The following ERICH6 variants were observed in gnomAD, a reference collection of about 807,000 sequenced individuals.
ERICH6 encodes glutamate-rich protein 6.
ERICH6 carries 71 observed loss-of-function variants against 71.0 expected under a neutral mutation model. The observed-to-expected ratio is 1.00, with a 90% CI of 0.83 to 1.22. The LOEUF (loss-of-function observed/expected upper bound fraction) is 1.22. ERICH6 is among the 50% of genes most tolerant of loss of function. ERICH6 has a pLI of 0.00. For synonymous variants in ERICH6, 262 were observed against 278.4 expected (o/e 0.94, Z 0.59); for missense variants, 808 against 797.2 (o/e 1.01, Z -0.16).
At chr3:150,666,513 A>C (rs1331199150) in intron 13 of ERICH6, among the ~76,000 whole-genome samples, 3 of 152,016 alleles carry the variant, frequency 2.0e-5, no homozygotes, top group Admixed American at 6.6e-5. Context: ...TTTAAACTAA[A>C]CCCCCAGAGC....
intron 9 of ERICH6, 94 bp downstream of exon 9, chr3:150,680,374 A>G (rs959234018): frequency 3.0e-6 from 4 of 1,336,106 alleles, no homozygotes; most frequent in South Asian, 1.2e-5. Context: ...GGCCAATACT[A>G]TTTTTTAAAT....
rs1713044366 is a variant in ERICH6, at chr3:150,703,740, C to CTCCTCCTTCTCCTCCACCTCT, written c.158_159insAGAGGTGGAGGAGAAGGAGGA (p.Val55_Val56insGluGluLysGluGluGluVal). The CTCCTCCTTCTCCTCCACCTCT allele has an allele frequency of 2.9e-6, 4 of 1,390,640 alleles. No individual in the cohort carries two copies. Among genetic ancestry groups the CTCCTCCTTCTCCTCCACCTCT allele is most frequent in the Non-Finnish European group, 9.7e-7 (1 of 1,034,436 alleles). 86.1% of individuals were successfully genotyped at this position (1,390,640 alleles called of 1,614,324 possible). On this transcript the variant is annotated inframe_insertion, in exon 1 of 14. Transcript: ENST00000295910. ...CCACCAACTCCTCCTCCACCACCTC[C>CTCCTCCTTCTCCTCCACCTCT]TCCTCCTCCTCCTCCACCTCTTCCT... is the stretch of plus-strand genomic sequence containing the variant.
chr3:150,699,578 A>C (rs1480255722), intron 2 of ERICH6, among the ~76,000 whole-genome samples: 1 of 152,242 alleles, frequency 6.6e-6, no homozygotes. Flanking sequence ...TGGGCAACGA[A>C]GGATTACCAC....
At chr3:150,698,563 A>C (rs1227769552) in intron 3 of ERICH6, among the ~76,000 whole-genome samples, 1 of 152,212 alleles carries the variant, frequency 6.6e-6, no homozygotes, top group Non-Finnish European at 1.5e-5. Flanking sequence ...TGAATACTGA[A>C]AATATTTAAT....
chr3:150,703,357 T>G, intron 1 of ERICH6, 139 bp downstream of exon 1: 6 of 1,408,552 alleles, frequency 4.3e-6, no homozygotes, highest in Non-Finnish European at 4.6e-6. Context: ...GTGAGAGAGA[T>G]TAGGTGTGTG....
At chr3:150,698,947 G>A (rs943743657) in intron 2 of ERICH6, 65 bp from the exon 3 acceptor site, 15 of 942,348 alleles carry the variant, frequency 1.6e-5, no homozygotes, top group Non-Finnish European at 2.2e-5. Flanking sequence ...TCTAAACATC[G>A]AACATTTAAT....
chr3:150,669,232 GA>G, intron 12 of ERICH6, 63 bp downstream of exon 12: 1 of 1,503,192 alleles, frequency 6.7e-7, no homozygotes, highest in Non-Finnish European at 8.9e-7. Context: ...CATTTAAAAA[GA>G]AAAAACAAAA....
intron 10 of ERICH6, among the ~76,000 whole-genome samples, chr3:150,676,848 C>G (rs1329975635): frequency 6.6e-6 from 1 of 151,766 alleles, no homozygotes; most frequent in African/African-American, 2.4e-5. Flanking sequence ...GAGTCCTGCT[C>G]TGTTGCCCAG....
At chr3:150,701,378 A>AATT (rs368701967) in intron 2 of ERICH6, among the ~76,000 whole-genome samples, 1 of 60,088 alleles carries the variant, frequency 1.7e-5, no homozygotes, top group Non-Finnish European at 3.6e-5. Context: ...TGTCATTTTA[A>AATT]ATAATGGAAA....
At chr3:150,661,190 C>T (rs1488585684) in intron 13 of ERICH6, among the ~76,000 whole-genome samples, 10 of 152,194 alleles carry the variant, frequency 6.6e-5, no homozygotes, top group South Asian at 2.1e-4. Context: ...AGAGAAATGA[C>T]GAAATGAAAC....
chr3:150,667,395 G>A (rs7611154), intron 12 of ERICH6, among the ~76,000 whole-genome samples: 1 of 152,134 alleles, frequency 6.6e-6, no homozygotes, highest in Non-Finnish European at 1.5e-5. Flanking sequence ...ATAAAGACCT[G>A]TGGCTGTAAA....
chr3:150,691,647 A>T (rs1419978472), intron 3 of ERICH6, among the ~76,000 whole-genome samples: 4 of 152,188 alleles, frequency 2.6e-5, no homozygotes, highest in African/African-American at 7.2e-5. Flanking sequence ...GGATTTCTTT[A>T]AAAAAACTTA....
intron 13 of ERICH6, among the ~76,000 whole-genome samples, chr3:150,662,514 A>T (rs989706925): frequency 2.0e-5 from 3 of 152,212 alleles, no homozygotes; most frequent in Non-Finnish European, 4.4e-5. Context: ...GAACACTTAT[A>T]AAAATTATGT....
intron 2 of ERICH6, 52 bp downstream of exon 2, chr3:150,702,069 A>G: frequency 8.4e-7 from 1 of 1,185,370 alleles, no homozygotes; most frequent in South Asian, 1.4e-5. Context: ...TTTATCCAAA[A>G]GGTAAACATT....
chr3:150,678,285 G>T, intron 10 of ERICH6, 124 bp downstream of exon 10: 1 of 900,480 alleles, frequency 1.1e-6, no homozygotes, highest in Non-Finnish European at 1.6e-6. Context: ...GACCAAGTCT[G>T]TACCAATTCT....
intron 13 of ERICH6, among the ~76,000 whole-genome samples, chr3:150,664,296 T>A (rs1393386392): frequency 1.3e-5 from 2 of 152,038 alleles, no homozygotes; most frequent in South Asian, 4.1e-4. Flanking sequence ...CAAAAACAAA[T>A]AGGAACCCCC....
At chr3:150,694,109 TTCC>T in intron 3 of ERICH6, among the ~76,000 whole-genome samples, 1 of 152,300 alleles carries the variant, frequency 6.6e-6, no homozygotes, top group East Asian at 1.9e-4. Context: ...TTTTTCTCCC[TTCC>T]TCCTCCTATT....
At chr3:150,676,965 A>G (rs918380677) in intron 10 of ERICH6, among the ~76,000 whole-genome samples, 7 of 151,890 alleles carry the variant, frequency 4.6e-5, no homozygotes, top group African/African-American at 1.7e-4. Context: ...GGTGCCTGCC[A>G]CCTTACCTGG....
intron 3 of ERICH6, among the ~76,000 whole-genome samples, chr3:150,691,512 A>G (rs1440111528): frequency 2.0e-5 from 3 of 152,148 alleles, no homozygotes; most frequent in Admixed American, 2.0e-4. Context: ...AATGAGAAAG[A>G]AAGAATCTTG....
Sources: gnomAD v4.1 joint callset for allele counts (sites outside exome capture counted in the v4.1 genomes callset) on GRCh38, gnomAD v4.1.1 for gene constraint, MANE v1.5 for transcripts, NCBI Gene and HGNC (gene_info 2026-07-23, HGNC 2026-07-21) for gene names.